CALD1: variants seen among roughly 807,000 people sequenced by gnomAD.
The protein encoded by CALD1 is caldesmon.
In CALD1, 33 loss-of-function variants were observed where a neutral mutation model predicts 99.9. The observed-to-expected ratio is 0.33, with a 90% CI of 0.25 to 0.44. CALD1 has a LOEUF of 0.44. Among genes scored for constraint, CALD1 ranks in the 20% least tolerant of loss-of-function variants. The probability of loss-of-function intolerance (pLI) is 1.00; values close to 1 mark genes in which losing one functional copy is unlikely to be tolerated. For missense variants in CALD1, 861 were observed against 962.1 expected (o/e 0.89, Z 1.39); for synonymous variants, 310 against 325.0 (o/e 0.95, Z 0.50).
At chr7:134,966,427 A>G (rs1242373255) in intron 14 of CALD1, among the ~76,000 whole-genome samples, 1 of 152,224 alleles carries the variant, frequency 6.6e-6, no homozygotes, top group Non-Finnish European at 1.5e-5. Flanking sequence ...TAATTATCAC[A>G]TTGCTAACTA....
At chr7:134,746,859 T>C (rs981599289) in intron 1 of CALD1, among the ~76,000 whole-genome samples, 1 of 152,234 alleles carries the variant, frequency 6.6e-6, no homozygotes, top group East Asian at 1.9e-4. Context: ...TTGTGGAAGG[T>C]AGAACTTGTG....
intron 2 of CALD1, among the ~76,000 whole-genome samples, chr7:134,858,694 T>G (rs1455276714): frequency 1.3e-5 from 2 of 151,982 alleles, no homozygotes; most frequent in African/African-American, 4.8e-5. Context: ...CTCAGCCCCT[T>G]GAGTAGCTGG....
At position 134,929,761 on chromosome 7, in the gene CALD1, C is replaced by A. The variant is rs184502013; in HGVS notation, c.218+861C>A. Among the ~76,000 whole-genome samples the A allele has an allele frequency of 2.2e-4, 32 of 142,996 alleles. 1 individual carries two copies. Among genetic ancestry groups the A allele is most frequent in the Admixed American group, 2.0e-3 (28 of 14,062 alleles). 93.8% of individuals were successfully genotyped at this position (142,996 alleles called of 152,430 possible). On this transcript the variant is annotated intron_variant, in intron 4 of 14. Transcript: ENST00000361675. ...TGCAAATTGTGCTTCTATAAACATGCGTGTACCAGTATATTTTGCATATAA... is the reference window on the plus strand; with the variant it reads ...TGCAAATTGTGCTTCTATAAACATGAGTGTACCAGTATATTTTGCATATAA...
intron 12 of CALD1, 117 bp downstream of exon 12, chr7:134,960,228 CTT>C: frequency 1.6e-6 from 2 of 1,236,814 alleles, no homozygotes; most frequent in Non-Finnish European, 2.3e-6. Context: ...GCAATTTGTA[CTT>C]TGTTTTGCAA....
chr7:134,968,628 A>T lies in CALD1; in HGVS notation c.*283A>T, dbSNP rs556267812. On this transcript the variant is annotated 3_prime_UTR_variant, in exon 15 of 15. Coordinates refer to ENST00000361675, the MANE Select transcript of CALD1 (RefSeq NM_033138.4). ...GATCATCATAACTCTGTATCTGAGC[A>T]GTGATACCAACCACATCTGAAGTCA... is the stretch of plus-strand genomic sequence containing the variant. 1.5e-6 allele frequency: 1 copy of T among 649,246 alleles called. No individual in the cohort carries two copies. Among genetic ancestry groups the T allele is most frequent in the East Asian group, 3.1e-5 (1 of 32,596 alleles). 40.2% of individuals were successfully genotyped at this position (649,246 alleles called of 1,614,324 possible).
At chr7:134,765,949 CCTCT>C (rs753412182) in intron 1 of CALD1, among the ~76,000 whole-genome samples, 2 of 149,958 alleles carry the variant, frequency 1.3e-5, no homozygotes, top group African/African-American at 2.4e-5. Flanking sequence ...GTGTATGGCA[CCTCT>C]CTCTCTCTCT....
At chr7:134,792,346 G>A (rs1295268171) in intron 1 of CALD1, among the ~76,000 whole-genome samples, 1 of 146,688 alleles carries the variant, frequency 6.8e-6, no homozygotes, top group Admixed American at 6.9e-5. Context: ...CTGGAGAGCA[G>A]TAGTGCCATC....
chr7:134,929,621 C>T (rs868813802), intron 4 of CALD1, among the ~76,000 whole-genome samples: 3 of 4,238 alleles, frequency 7.1e-4, no homozygotes, highest in Admixed American at 2.2e-3. Flanking sequence ...TGTATATATA[C>T]GTGTGTGTGT....
At chr7:134,939,323 T>C (rs2133042762) in intron 6 of CALD1, among the ~76,000 whole-genome samples, 1 of 152,312 alleles carries the variant, frequency 6.6e-6, no homozygotes, top group South Asian at 2.1e-4. Context: ...GAAGGAATCA[T>C]CTGGTCCAAC....
chr7:134,895,298 ATGTG>A (rs71172482), intron 3 of CALD1, among the ~76,000 whole-genome samples: 21,895 of 138,490 alleles, frequency 0.16, 1,717 homozygotes, highest in Admixed American at 0.21. Flanking sequence ...TTATATATGT[ATGTG>A]TGTGTGTGTG....
intron 1 of CALD1, among the ~76,000 whole-genome samples, chr7:134,756,553 A>G (rs756322730): frequency 2.7e-4 from 41 of 152,092 alleles, no homozygotes; most frequent in Non-Finnish European, 5.3e-4. Context: ...GTTATAATAA[A>G]CTATGTATTA....
At chr7:134,718,162 A>C in the CALD1 span, among the ~76,000 whole-genome samples, 1 of 152,222 alleles carries the variant, frequency 6.6e-6, no homozygotes, top group African/African-American at 2.4e-5. Context: ...TGAAACCCTA[A>C]GTTCTAGATT....
intron 1 of CALD1, among the ~76,000 whole-genome samples, chr7:134,756,812 T>C (rs1322916015): frequency 6.6e-6 from 1 of 152,136 alleles, no homozygotes; most frequent in African/African-American, 2.4e-5. Flanking sequence ...AGAACAAGAG[T>C]TCAAAAATAT....
intron 1 of CALD1, among the ~76,000 whole-genome samples, chr7:134,788,395 A>C (rs1356675919): frequency 6.6e-6 from 1 of 152,210 alleles, no homozygotes; most frequent in African/African-American, 2.4e-5. Context: ...CCCATGCTAC[A>C]AAGCAGACTC....
intron 6 of CALD1, among the ~76,000 whole-genome samples, chr7:134,936,160 A>G (rs1007061443): frequency 6.6e-6 from 1 of 152,212 alleles, no homozygotes; most frequent in African/African-American, 2.4e-5. Context: ...CAATCATGAA[A>G]TATTTCCAAC....
At chr7:134,800,643 A>C (rs1306132001) in intron 1 of CALD1, among the ~76,000 whole-genome samples, 1 of 152,030 alleles carries the variant, frequency 6.6e-6, no homozygotes, top group South Asian at 2.1e-4. Flanking sequence ...CATATAGATA[A>C]ATTTCAAAAT....
At chr7:134,758,889 C>G (rs888037035) in intron 1 of CALD1, among the ~76,000 whole-genome samples, 3 of 152,196 alleles carry the variant, frequency 2.0e-5, no homozygotes, top group East Asian at 3.9e-4. Flanking sequence ...ACATCTGTAC[C>G]CTTCCTTCCC....
chr7:134,835,307 T>C (rs1230277971), intron 1 of CALD1, among the ~76,000 whole-genome samples: 1 of 152,220 alleles, frequency 6.6e-6, no homozygotes, highest in Non-Finnish European at 1.5e-5. Context: ...AGCTCAAGGC[T>C]CTGGATTAGG....
chr7:134,942,311 C>A (rs76456056), intron 7 of CALD1, among the ~76,000 whole-genome samples: 2 of 152,110 alleles, frequency 1.3e-5, no homozygotes, highest in Non-Finnish European at 2.9e-5. Context: ...CAAAAGCAGG[C>A]GGAGCTACTA....
Sources: allele counts gnomAD v4.1 joint callset (sites outside exome capture counted in the v4.1 genomes callset), GRCh38; gene constraint gnomAD v4.1.1; transcripts MANE v1.5; gene names NCBI Gene and HGNC (gene_info 2026-07-23, HGNC 2026-07-21).